Variants in PCDH11X observed in about 807,000 individuals in gnomAD.
The protein encoded by PCDH11X is protocadherin-11 X-linked.
In PCDH11X, 18 loss-of-function variants were observed where a neutral mutation model predicts 53.3. The ratio of observed to expected loss-of-function variants is 0.34; its 90% CI spans 0.23 to 0.50. The LOEUF (loss-of-function observed/expected upper bound fraction) is 0.50, where lower values mean the gene tolerates loss of function less well. Ranked by LOEUF, PCDH11X falls within the 20% of genes least tolerant of loss-of-function variation. The probability of loss-of-function intolerance (pLI) is 0.98; values close to 1 mark genes in which losing one functional copy is unlikely to be tolerated. For missense variants in PCDH11X, 570 were observed against 1,032.4 expected (o/e 0.55, Z 6.14); for synonymous variants, 279 against 393.3 (o/e 0.71, Z 3.44).
In PCDH11X at chrX:92,518,261, C is replaced by T. The variant is rs6619060; in HGVS notation, c.3367+49939C>T. On this transcript the variant is annotated intron_variant, in intron 10 of 10. Coordinates refer to ENST00000682573, the MANE Select transcript of PCDH11X (RefSeq NM_032968.5). ...GAGAAGTAAATGTGATATGTTTTCC[C>T]TTTGTGAAATGTCTTTCCATGTTTG... Among the ~76,000 whole-genome samples the T allele has an allele frequency of 2.2e-3, 244 of 111,579 alleles. 5 individuals carry two copies. In the East Asian group the frequency reaches 0.062, roughly 29 times the overall value.
At chrX:92,298,503 T>A (rs1454530960) in intron 8 of PCDH11X, among the ~76,000 whole-genome samples, 2 of 112,101 alleles carry the variant, frequency 1.8e-5, no homozygotes, top group East Asian at 5.6e-4. Flanking sequence ...GTCTATTTGA[T>A]CATGGTGATT....
intron 8 of PCDH11X, among the ~76,000 whole-genome samples, chrX:92,374,210 A>G (rs1039464335): frequency 5.5e-4 from 60 of 109,841 alleles, no homozygotes; most frequent in African/African-American, 1.9e-3. Context: ...TCAGAAATGA[A>G]TCATGGAACT....
Position 92,314,401 on chromosome X carries a change from C to A in PCDH11X, c.3144+51258C>A, listed in dbSNP as rs199753058. On this transcript the variant is annotated intron_variant, in intron 8 of 10. Transcript: ENST00000682573. ...ACAATGCCGTCTTCTGAAACACCTC[C>A]TGAAGGACATGCCTGAGACTCTTCT... 1.1e-4 allele frequency among the ~76,000 whole-genome samples: 12 copies of A among 111,394 alleles called. No individual in the cohort carries two copies. In the East Asian group the frequency reaches 3.4e-3, roughly 31 times the overall value.
intron 6 of PCDH11X, among the ~76,000 whole-genome samples, chrX:91,929,156 T>C (rs900175086): frequency 9.0e-6 from 1 of 111,351 alleles, no homozygotes; most frequent in Non-Finnish European, 1.9e-5. Flanking sequence ...CAATCCTATT[T>C]ATCTGTTTTT....
At chrX:91,830,952 A>T (rs760162885) in intron 4 of PCDH11X, among the ~76,000 whole-genome samples, 1 of 111,562 alleles carries the variant, frequency 9.0e-6, no homozygotes, top group East Asian at 2.8e-4. Context: ...CCAGCACTAT[A>T]ATGAAGAAAA....
At chrX:91,880,580 C>A (rs1172936333) in intron 6 of PCDH11X, among the ~76,000 whole-genome samples, 1 of 111,386 alleles carries the variant, frequency 9.0e-6, no homozygotes, top group East Asian at 2.8e-4. Context: ...ACACAATGAA[C>A]GTAAGGTACT....
chrX:92,489,754 T>C (rs1423410808), intron 10 of PCDH11X, among the ~76,000 whole-genome samples: 1 of 105,210 alleles, frequency 9.5e-6, no homozygotes, highest in African/African-American at 3.4e-5. Flanking sequence ...ACAAAATTTA[T>C]ATATATATAT....
chrX:92,063,876 C>T (rs2063563474), intron 6 of PCDH11X, among the ~76,000 whole-genome samples: 1 of 108,328 alleles, frequency 9.2e-6, no homozygotes, highest in South Asian at 4.1e-4. Context: ...AGGTATTGGG[C>T]CCCCAGCTTT....
intron 6 of PCDH11X, among the ~76,000 whole-genome samples, chrX:91,905,153 G>A (rs949220998): frequency 9.5e-6 from 1 of 105,337 alleles, no homozygotes; most frequent in Non-Finnish European, 1.9e-5. Context: ...ATTTTGAGAT[G>A]GAGTCTCACT....
At chrX:92,096,228 G>T (rs1178872132) in intron 6 of PCDH11X, among the ~76,000 whole-genome samples, 3 of 111,605 alleles carry the variant, frequency 2.7e-5, no homozygotes, top group African/African-American at 9.7e-5. Context: ...AATCAAGGGA[G>T]AGTCTGTCTA....
At chrX:91,941,282 G>T (rs2061506212) in intron 6 of PCDH11X, among the ~76,000 whole-genome samples, 1 of 111,429 alleles carries the variant, frequency 9.0e-6, no homozygotes, top group Non-Finnish European at 1.9e-5. Flanking sequence ...CAATTAAAAT[G>T]CAGATCATCA....
chrX:92,502,792 A>G (rs1316070293), intron 10 of PCDH11X, among the ~76,000 whole-genome samples: 1 of 111,930 alleles, frequency 8.9e-6, no homozygotes, highest in East Asian at 2.8e-4. Context: ...CATTCAGGAC[A>G]TAGCAGAGGC....
intron 10 of PCDH11X, among the ~76,000 whole-genome samples, chrX:92,528,986 C>T (rs1448565961): frequency 9.0e-6 from 1 of 111,148 alleles, no homozygotes; most frequent in Admixed American, 9.6e-5. Context: ...ATACTTTAAA[C>T]AAACCCAGCC....
chrX:92,430,811 A>C lies in PCDH11X; in HGVS notation c.3344-37488A>C, dbSNP rs137879618. Among the ~76,000 whole-genome samples the C allele has an allele frequency of 9.4e-3, 1,027 of 109,743 alleles. 10 individuals carry two copies. Among genetic ancestry groups the C allele is most frequent in the African/African-American group, 0.032 (974 of 30,475 alleles). ...CAGCACTATATATAGCACATAAATA[A>C]AAATAAATCAGGTTTACAACTCTGT... is the stretch of plus-strand genomic sequence containing the variant. On this transcript the variant is annotated intron_variant, in intron 9 of 10. Transcript: ENST00000682573.
At chrX:92,216,262 G>A (rs1019705770) in intron 7 of PCDH11X, among the ~76,000 whole-genome samples, 1 of 110,675 alleles carries the variant, frequency 9.0e-6, no homozygotes, top group Non-Finnish European at 1.9e-5. Context: ...CCGAGCTACA[G>A]GAGGAAATTC....
At chrX:92,553,184 T>C (rs2074990429) in intron 10 of PCDH11X, among the ~76,000 whole-genome samples, 1 of 103,814 alleles carries the variant, frequency 9.6e-6, no homozygotes, top group Admixed American at 1.1e-4. Context: ...GAATTCAGCA[T>C]TGAAGTCGTC....
intron 6 of PCDH11X, among the ~76,000 whole-genome samples, chrX:91,992,691 C>T (rs1480267860): frequency 9.8e-6 from 1 of 102,224 alleles, no homozygotes; most frequent in African/African-American, 3.7e-5. Flanking sequence ...TCACCATCAT[C>T]TTCTCAGAAT....
chrX:92,530,417 G>A (rs184242139), intron 10 of PCDH11X, among the ~76,000 whole-genome samples: 122 of 111,232 alleles, frequency 1.1e-3, no homozygotes, highest in Admixed American at 3.8e-3. Flanking sequence ...ACCTTCCTAC[G>A]ATGATAGATT....
At chrX:92,083,256 A>G (rs1014094252) in intron 6 of PCDH11X, among the ~76,000 whole-genome samples, 3 of 111,954 alleles carry the variant, frequency 2.7e-5, no homozygotes, top group African/African-American at 9.7e-5. Flanking sequence ...TTACTATTTT[A>G]TTTATTTTTG....
Sources: gnomAD v4.1 joint callset for allele counts (sites outside exome capture counted in the v4.1 genomes callset) on GRCh38, gnomAD v4.1.1 for gene constraint, MANE v1.5 for transcripts, NCBI Gene and HGNC (gene_info 2026-07-23, HGNC 2026-07-21) for gene names.